Variants in NTNG1 observed in about 807,000 individuals in gnomAD.
The protein encoded by NTNG1 is netrin G1, also known as netrin-G1.
Under a neutral mutation model 54.0 loss-of-function variants are expected in NTNG1, and 16 were observed. The ratio of observed to expected loss-of-function variants is 0.30; its 90% CI spans 0.20 to 0.45. The LOEUF (loss-of-function observed/expected upper bound fraction) is 0.45. Among genes scored for constraint, NTNG1 ranks in the 20% least tolerant of loss-of-function variants. The pLI, the probability that NTNG1 is intolerant of heterozygous loss-of-function variation, is 1.00. For missense variants in NTNG1, 530 were observed against 678.7 expected (o/e 0.78, Z 2.43); for synonymous variants, 255 against 263.1 (o/e 0.97, Z 0.30).
intron 2 of NTNG1, among the ~76,000 whole-genome samples, chr1:107,250,578 A>T (rs202006442): frequency 0.012 from 1,740 of 144,580 alleles, 30 homozygotes; most frequent in African/African-American, 0.041. Context: ...AATAAAAAAA[A>T]TAAAAAAAAT....
chr1:107,392,412 C>T (rs181136006), intron 3 of NTNG1, among the ~76,000 whole-genome samples: 19 of 151,872 alleles, frequency 1.3e-4, no homozygotes, highest in African/African-American at 4.1e-4. Flanking sequence ...GATAAGAGTG[C>T]GCAAGGAGAG....
chr1:107,365,097 A>G (rs921781600), intron 3 of NTNG1, among the ~76,000 whole-genome samples: 4 of 152,198 alleles, frequency 2.6e-5, no homozygotes, highest in African/African-American at 9.6e-5. Flanking sequence ...TAGTTAGAAA[A>G]TTTAAACTTA....
intron 2 of NTNG1, among the ~76,000 whole-genome samples, chr1:107,219,874 TC>T (rs1660224497): frequency 6.6e-6 from 1 of 152,168 alleles, no homozygotes; most frequent in Non-Finnish European, 1.5e-5. Flanking sequence ...TTGGTTAGCC[TC>T]CAACCAGGAG....
chr1:107,168,368 A>G (rs1655970934), intron 2 of NTNG1, among the ~76,000 whole-genome samples: 1 of 152,064 alleles, frequency 6.6e-6, no homozygotes, highest in South Asian at 2.1e-4. Context: ...ATGAAGTAAG[A>G]CACTACATCT....
chr1:107,293,711 T>C (rs1227826072), intron 2 of NTNG1, among the ~76,000 whole-genome samples: 2 of 152,246 alleles, frequency 1.3e-5, no homozygotes, highest in East Asian at 3.9e-4. Context: ...GTTGTAAGGA[T>C]TAAATGAGAT....
chr1:107,295,930 C>T (rs1665917624), intron 2 of NTNG1, among the ~76,000 whole-genome samples: 1 of 152,104 alleles, frequency 6.6e-6, no homozygotes, highest in Non-Finnish European at 1.5e-5. Context: ...TGACCACTTT[C>T]AGTCTCTTGT....
At position 107,482,896 on chromosome 1, in the gene NTNG1, A is replaced by G. The variant is rs896688325; in HGVS notation, c.*2056A>G. ...TGCCTGCCACCCCACGTCTAAGTCT[A>G]TTGAATGTTTGTTATTCAAACCAAC... On this transcript the variant is annotated 3_prime_UTR_variant, in exon 8 of 8. Coordinates refer to ENST00000370068, the MANE Select transcript of NTNG1 (RefSeq NM_001113226.3). 3 of 152,228 alleles carry G rather than the reference A, an allele frequency of 2.0e-5. No homozygotes were observed. Among genetic ancestry groups the G allele is most frequent in the East Asian group, 3.8e-4 (2 of 5,202 alleles). 9.4% of individuals were successfully genotyped at this position (152,228 alleles called of 1,614,324 possible).
At chr1:107,450,759 G>A (rs1231918101) in intron 7 of NTNG1, among the ~76,000 whole-genome samples, 3 of 152,072 alleles carry the variant, frequency 2.0e-5, no homozygotes, top group Non-Finnish European at 4.4e-5. Flanking sequence ...CCTCTGATAA[G>A]TTGTATTCAT....
chr1:107,316,030 A>T (rs963564067), intron 2 of NTNG1, among the ~76,000 whole-genome samples: 2 of 152,204 alleles, frequency 1.3e-5, no homozygotes, highest in African/African-American at 2.4e-5. Flanking sequence ...TGTCATTAAT[A>T]AAGAGGTGTT....
At chr1:107,383,635 A>G (rs1258999820) in intron 3 of NTNG1, among the ~76,000 whole-genome samples, 1 of 152,222 alleles carries the variant, frequency 6.6e-6, no homozygotes, top group Non-Finnish European at 1.5e-5. Context: ...AGCTAATAAT[A>G]ATAGTCTTGA....
chr1:107,351,771 T>C (rs559116835), intron 3 of NTNG1, among the ~76,000 whole-genome samples: 1 of 152,272 alleles, frequency 6.6e-6, no homozygotes, highest in East Asian at 1.9e-4. Flanking sequence ...AAGTCTGAAG[T>C]CCAAAGTCTC....
chr1:107,184,449 T>C (rs1657303053), intron 2 of NTNG1, among the ~76,000 whole-genome samples: 1 of 152,156 alleles, frequency 6.6e-6, no homozygotes, highest in Non-Finnish European at 1.5e-5. Context: ...TTGTTGCCAC[T>C]GAGTAGTTTT....
intron 2 of NTNG1, among the ~76,000 whole-genome samples, chr1:107,150,462 G>A (rs1354582752): frequency 6.6e-6 from 1 of 152,180 alleles, no homozygotes; most frequent in African/African-American, 2.4e-5. Context: ...CCTTATAGCA[G>A]AGGATGAGTT....
At chr1:107,422,240 G>T (rs1035288020) in intron 5 of NTNG1, among the ~76,000 whole-genome samples, 2 of 152,108 alleles carry the variant, frequency 1.3e-5, no homozygotes, top group African/African-American at 4.8e-5. Flanking sequence ...AGCAGATGCA[G>T]GCTCAGAGGG....
chr1:107,396,925 T>C (rs1362077945), intron 4 of NTNG1, among the ~76,000 whole-genome samples: 1 of 152,210 alleles, frequency 6.6e-6, no homozygotes, highest in Non-Finnish European at 1.5e-5. Context: ...AACGTGACCT[T>C]GTTCTTCTAC....
At chr1:107,372,366 G>T (rs1194665248) in intron 3 of NTNG1, among the ~76,000 whole-genome samples, 1 of 151,624 alleles carries the variant, frequency 6.6e-6, no homozygotes, top group Non-Finnish European at 1.5e-5. Context: ...CAAAAATTTT[G>T]ATTTATTTTG....
At chr1:107,191,850 G>A (rs976006368) in intron 2 of NTNG1, among the ~76,000 whole-genome samples, 4 of 151,716 alleles carry the variant, frequency 2.6e-5, no homozygotes, top group South Asian at 2.1e-4. Flanking sequence ...ATAGTTTGAA[G>A]TCAGGTAGCA....
At chr1:107,370,240 TAAAA>T (rs35235511) in intron 3 of NTNG1, among the ~76,000 whole-genome samples, 27 of 125,622 alleles carry the variant, frequency 2.1e-4, no homozygotes, top group Non-Finnish European at 1.9e-4. Flanking sequence ...GTCAATTTCT[TAAAA>T]AAAAAAAAAA....
intron 3 of NTNG1, among the ~76,000 whole-genome samples, chr1:107,338,915 C>A (rs1490815873): frequency 6.7e-6 from 1 of 150,158 alleles, no homozygotes; most frequent in Admixed American, 6.6e-5. Flanking sequence ...AAGTATATTA[C>A]AAAAATATAT....
Sources: gnomAD v4.1 joint callset for allele counts (sites outside exome capture counted in the v4.1 genomes callset) on GRCh38, gnomAD v4.1.1 for gene constraint, MANE v1.5 for transcripts, NCBI Gene and HGNC (gene_info 2026-07-23, HGNC 2026-07-21) for gene names.